Variants in EYS observed in about 807,000 individuals in gnomAD.
The protein encoded by EYS is EGF-like photoreceptor maintenance factor, also known as protein eyes shut homolog.
A neutral mutation model predicts 282.1 loss-of-function variants in EYS; 250 were observed. The observed-to-expected ratio is 0.89, with a 90% CI of 0.80 to 0.98. The LOEUF (loss-of-function observed/expected upper bound fraction) is 0.98. Among genes scored for constraint, EYS ranks in the 50% least tolerant of loss-of-function variants. The pLI, the probability that EYS is intolerant of heterozygous loss-of-function variation, is 0.00. For missense variants in EYS, 4,016 were observed against 3,709.0 expected, an observed-to-expected ratio of 1.08 and a Z score of -2.15; for synonymous variants, 1,355 against 1,282.9, an observed-to-expected ratio of 1.06 and a Z score of -1.20.
At chr6:64,229,294 G>T (rs1326805917) in intron 31 of EYS, among the ~76,000 whole-genome samples, 1 of 151,896 alleles carries the variant, frequency 6.6e-6, no homozygotes, top group Non-Finnish European at 1.5e-5. Flanking sequence ...TAATAAATAA[G>T]AGTATTTTTT....
At chr6:64,912,436 CTAATT>C in intron 16 of EYS, 43 bp downstream of exon 16, 1 of 1,506,510 alleles carries the variant, frequency 6.6e-7, no homozygotes, top group Non-Finnish European at 9.0e-7. Context: ...AATACACAAA[CTAATT>C]AAGTAATTAT....
At chr6:65,443,357 T>C (rs372598969) in intron 5 of EYS, among the ~76,000 whole-genome samples, 14 of 142,968 alleles carry the variant, frequency 9.8e-5, no homozygotes, top group African/African-American at 2.7e-4. Context: ...TAGACATATA[T>C]GCATACATGT....
chr6:65,408,297 C>T (rs980711166), intron 5 of EYS, among the ~76,000 whole-genome samples: 4 of 151,950 alleles, frequency 2.6e-5, no homozygotes, highest in Admixed American at 6.6e-5. Flanking sequence ...GTAATACTGG[C>T]CTGATAGCAT....
rs1777280210 is a variant in EYS at position 64,508,476 on chromosome 6, C to T, written c.5645-69124G>A. Among the ~76,000 whole-genome samples the T allele has an allele frequency of 2.6e-5, 4 of 151,566 alleles. No homozygotes were observed. The South Asian group carries it at 8.3e-4, about 32-fold the overall frequency. On this transcript the variant is annotated intron_variant, in intron 26 of 42. Coordinates refer to ENST00000503581, the MANE Select transcript of EYS (RefSeq NM_001142800.2). ...TGTTTAAGAACGAGCTCTAATTTTT[C>T]TTCAAGCCCTAAGATCATATGACTA... is the stretch of plus-strand genomic sequence containing the variant.
intron 12 of EYS, among the ~76,000 whole-genome samples, chr6:65,082,006 C>A (rs565079748): frequency 6.6e-6 from 1 of 152,084 alleles, no homozygotes; most frequent in African/African-American, 2.4e-5. Context: ...GTCCATGGAA[C>A]CAATTTCTAC....
At chr6:64,757,788 T>G (rs867197395) in intron 22 of EYS, among the ~76,000 whole-genome samples, 308 of 119,036 alleles carry the variant, frequency 2.6e-3, no homozygotes, top group African/African-American at 8.4e-3. Flanking sequence ...GTGTGTGTGT[T>G]TTGTTTGTTT....
chr6:64,340,917 A>T (rs2150396475), intron 29 of EYS, among the ~76,000 whole-genome samples: 1 of 152,106 alleles, frequency 6.6e-6, no homozygotes, highest in South Asian at 2.1e-4. Flanking sequence ...ACATAAACAG[A>T]CACTTCTCAA....
chr6:65,273,731 G>A (rs1006312689), intron 12 of EYS, among the ~76,000 whole-genome samples: 12 of 152,166 alleles, frequency 7.9e-5, no homozygotes, highest in African/African-American at 2.7e-4. Context: ...TATACGTTAC[G>A]TGACATATCA....
chr6:64,473,919 G>A (rs1251520074), intron 26 of EYS, among the ~76,000 whole-genome samples: 2 of 152,154 alleles, frequency 1.3e-5, no homozygotes, highest in African/African-American at 4.8e-5. Context: ...TTCACCTTTT[G>A]TTTCAAGACA....
chr6:65,345,661 A>G lies in EYS; in HGVS notation c.1460-1484T>C, dbSNP rs569552838. 7.9e-5 allele frequency among the ~76,000 whole-genome samples: 12 copies of G among 151,932 alleles called. No homozygotes were observed. The East Asian group carries it at 9.7e-4, about 12-fold the overall frequency. Reference sequence around the variant, plus strand: ...CATTTAAATTGTCCAATTTATTAGTATAAAGTTTTTCATAATGATATATCT... The same window carrying G: ...CATTTAAATTGTCCAATTTATTAGTGTAAAGTTTTTCATAATGATATATCT... On this transcript the variant is annotated intron_variant, in intron 9 of 42. Transcript: ENST00000503581.
chr6:64,253,012 A>G (rs1416819184), intron 30 of EYS, among the ~76,000 whole-genome samples: 1 of 152,132 alleles, frequency 6.6e-6, no homozygotes, highest in Non-Finnish European at 1.5e-5. Flanking sequence ...CATAAAGGCC[A>G]CTGCATATTA....
rs943094066 is a variant in EYS at position 64,431,557 on chromosome 6, G to C, written c.5927+4617C>G. Among the ~76,000 whole-genome samples, 15 of 152,124 alleles carry C rather than the reference G, an allele frequency of 9.9e-5. 1 individual carries two copies. Among genetic ancestry groups the C allele is most frequent in the Admixed American group, 7.9e-4 (12 of 15,244 alleles). On this transcript the variant is annotated intron_variant, in intron 28 of 42. Transcript: ENST00000503581. ...GGATCTGGAGAAGCCCAGACATTGAGAGTCTATTGGGTACTGTAGGTTAGC... is the reference window on the plus strand; with the variant it reads ...GGATCTGGAGAAGCCCAGACATTGACAGTCTATTGGGTACTGTAGGTTAGC...
intron 5 of EYS, among the ~76,000 whole-genome samples, chr6:65,425,383 T>A (rs1018999735): frequency 6.6e-6 from 1 of 152,116 alleles, no homozygotes; most frequent in Non-Finnish European, 1.5e-5. Flanking sequence ...ACTTGTTTTC[T>A]TTATGTTTTT....
At position 64,901,294 on chromosome 6, in the gene EYS, G is replaced by GTATATATATATATATATATATATA. The variant is rs70999177; in HGVS notation, c.2846+818_2846+819insTATATATATATATATATATATATA. 9.3e-4 allele frequency among the ~76,000 whole-genome samples: 119 copies of GTATATATATATATATATATATATA among 127,674 alleles called. 1 individual carries two copies. The highest frequency in any genetic ancestry group is 1.8e-3 in the African/African-American group (57 of 31,694). The allele number at this position is 127,674 out of a possible 152,430, so 83.8% of individuals were successfully genotyped here. ...TTAGGAGAAATACCTATGTAGTTGA[G>GTATATATATATATATATATATATA]TATATATATATATATATATATAGGC... is the stretch of plus-strand genomic sequence containing the variant. On this transcript the variant is annotated intron_variant, in intron 18 of 42. Transcript: ENST00000503581.
At chr6:65,463,670 G>A (rs1335710478) in intron 5 of EYS, among the ~76,000 whole-genome samples, 4 of 152,018 alleles carry the variant, frequency 2.6e-5, no homozygotes, top group Non-Finnish European at 4.4e-5. Context: ...AAAAAAGTAT[G>A]GTTTGTCTCC....
Position 63,788,124 on chromosome 6 carries a change from A to G in EYS, c.7704T>C (p.Asp2568=), listed in dbSNP as rs1488409794. Residue 2568 remains aspartate, a synonymous_variant, in exon 39 of 43, where the codon GAT becomes GAC. Coordinates refer to ENST00000503581, the MANE Select transcript of EYS (RefSeq NM_001142800.2). The stretch of plus-strand genomic sequence containing the variant: ...CCTTACCTTGAAAACCATTTTTAAA[A>G]TCTGCTCCATTTGGTAAGAGATCTG... ...YTPDLLPNGA[D]FKNGFQGCIF... 1.9e-6 allele frequency: 3 copies of G among 1,539,062 alleles called. No individual in the cohort carries two copies. The highest frequency in any genetic ancestry group is 2.5e-5 in the South Asian group (2 of 80,020).
At chr6:64,787,380 C>T (rs1774056795) in intron 22 of EYS, among the ~76,000 whole-genome samples, 1 of 152,064 alleles carries the variant, frequency 6.6e-6, no homozygotes, top group African/African-American at 2.4e-5. Context: ...AAGCATTGTT[C>T]CCTTGACTTA....
intron 22 of EYS, among the ~76,000 whole-genome samples, chr6:64,697,124 T>A (rs1378009245): frequency 6.6e-6 from 1 of 151,842 alleles, no homozygotes; most frequent in East Asian, 1.9e-4. Context: ...AGTGTGGATT[T>A]AAAAAAAACA....
chr6:65,190,424 T>C (rs1438480918), intron 12 of EYS, among the ~76,000 whole-genome samples: 1 of 151,104 alleles, frequency 6.6e-6, no homozygotes, highest in Non-Finnish European at 1.5e-5. Flanking sequence ...TTCTTTGGTT[T>C]CTAAGATACA....
Sources: gnomAD v4.1 joint callset for allele counts (sites outside exome capture counted in the v4.1 genomes callset) on GRCh38, gnomAD v4.1.1 for gene constraint, MANE v1.5 for transcripts, NCBI Gene and HGNC (gene_info 2026-07-23, HGNC 2026-07-21) for gene names.